ATP8A2: variants seen among roughly 807,000 people sequenced by gnomAD.
ATP8A2 encodes the protein phospholipid-transporting ATPase IB.
In ATP8A2, 100 loss-of-function variants were observed where a neutral mutation model predicts 165.6. That is an observed-to-expected ratio of 0.60 (90% CI 0.51 to 0.71). The LOEUF (loss-of-function observed/expected upper bound fraction) is 0.71, where lower values mean the gene tolerates loss of function less well. Ranked by LOEUF, ATP8A2 falls within the 30% of genes least tolerant of loss-of-function variation. The pLI, the probability that ATP8A2 is intolerant of heterozygous loss-of-function variation, is 0.00. For synonymous variants in ATP8A2, 543 were observed against 548.8 expected (o/e 0.99, Z 0.15); for missense variants, 1,227 against 1,479.5 (o/e 0.83, Z 2.80).
At chr13:25,882,974 G>A (rs1953030357) in intron 33 of ATP8A2, among the ~76,000 whole-genome samples, 1 of 151,780 alleles carries the variant, frequency 6.6e-6, no homozygotes, top group Admixed American at 6.6e-5. Flanking sequence ...GATGATGATG[G>A]CAGCAGCTAC....
intron 33 of ATP8A2, among the ~76,000 whole-genome samples, chr13:25,932,817 G>A (rs1277095230): frequency 1.3e-5 from 2 of 152,230 alleles, no homozygotes; most frequent in East Asian, 1.9e-4. Context: ...TAGGCTTCCC[G>A]TTACCAGTGC....
intron 33 of ATP8A2, among the ~76,000 whole-genome samples, chr13:25,909,202 C>A (rs959207660): frequency 7.9e-5 from 12 of 152,014 alleles, no homozygotes; most frequent in African/African-American, 2.9e-4. Context: ...ACTAGTCCCC[C>A]AAAATGATCT....
chr13:25,846,044 C>T lies in ATP8A2; in HGVS notation c.2956+6420C>T, dbSNP rs1193799761. 1.3e-5 allele frequency among the ~76,000 whole-genome samples: 2 copies of T among 152,106 alleles called. 1 individual carries two copies. Among genetic ancestry groups the T allele is most frequent in the East Asian group, 3.9e-4 (2 of 5,186 alleles). On this transcript the variant is annotated intron_variant, in intron 30 of 36. Transcript: ENST00000381655. ...TACAAAAATTGGCTGGGCTTGGTGG[C>T]GCATGCCTGTAACCCCAGCTACTTG...
chr13:25,491,439 C>G (rs1628416), intron 2 of ATP8A2, among the ~76,000 whole-genome samples: 148,873 of 152,268 alleles, frequency 0.98, 72,794 homozygotes, highest in East Asian at 0.99. Context: ...TGTTGCCCAG[C>G]CTGGTCTTGA....
At chr13:25,760,770 CTCTT>C (rs532761402) in intron 25 of ATP8A2, among the ~76,000 whole-genome samples, 38 of 152,244 alleles carry the variant, frequency 2.5e-4, no homozygotes, top group East Asian at 1.9e-3. Flanking sequence ...TAAAAGCTCT[CTCTT>C]TATTTGTGGA....
chr13:25,392,155 AC>A (rs1011780135), intron 1 of ATP8A2, among the ~76,000 whole-genome samples: 2 of 152,248 alleles, frequency 1.3e-5, no homozygotes, highest in African/African-American at 2.4e-5. Flanking sequence ...AGTGCCTGAT[AC>A]ACTAGTCAGA....
intron 2 of ATP8A2, among the ~76,000 whole-genome samples, chr13:25,473,436 A>G (rs141679683): frequency 2.6e-5 from 4 of 152,286 alleles, no homozygotes; most frequent in East Asian, 3.9e-4. Flanking sequence ...ATGGGATTCA[A>G]TGTTTATATA....
intron 1 of ATP8A2, among the ~76,000 whole-genome samples, chr13:25,407,258 A>T (rs2033830926): frequency 6.6e-6 from 1 of 152,242 alleles, no homozygotes; most frequent in Admixed American, 6.5e-5. Context: ...AGACAGACTC[A>T]TTCTTAAAGC....
intron 34 of ATP8A2, among the ~76,000 whole-genome samples, chr13:25,965,557 G>A (rs539796958): frequency 2.0e-4 from 31 of 152,330 alleles, no homozygotes; most frequent in African/African-American, 7.2e-4. Context: ...TTAGATGCAT[G>A]AAGTTTAAAT....
At chr13:25,570,905 C>T (rs1259788953) in intron 17 of ATP8A2, 33 bp downstream of exon 17, 1 of 1,515,546 alleles carries the variant, frequency 6.6e-7, no homozygotes, top group Admixed American at 1.7e-5. Context: ...CCCTGCTGGC[C>T]CCTTCTCAGG....
At chr13:25,538,818 T>C (rs1006466385) in intron 7 of ATP8A2, among the ~76,000 whole-genome samples, 2 of 152,152 alleles carry the variant, frequency 1.3e-5, no homozygotes, top group African/African-American at 4.8e-5. Context: ...CAGCGTTTCT[T>C]GTATTGAAGT....
At chr13:25,793,442 T>C (rs746881799) in intron 27 of ATP8A2, among the ~76,000 whole-genome samples, 14 of 152,204 alleles carry the variant, frequency 9.2e-5, no homozygotes, top group Non-Finnish European at 1.9e-4. Context: ...ATGAAAATTT[T>C]ATTTATCTAG....
At chr13:25,577,596 A>C (rs143663293) in intron 20 of ATP8A2, among the ~76,000 whole-genome samples, 3 of 152,218 alleles carry the variant, frequency 2.0e-5, no homozygotes, top group Non-Finnish European at 4.4e-5. Flanking sequence ...GGCAATGTCC[A>C]TGTGTAGCTG....
chr13:25,473,127 T>C (rs897315332), intron 2 of ATP8A2, among the ~76,000 whole-genome samples: 6 of 152,192 alleles, frequency 3.9e-5, no homozygotes, highest in African/African-American at 1.4e-4. Context: ...CCCAGGGGTA[T>C]GCACTACATG....
intron 1 of ATP8A2, among the ~76,000 whole-genome samples, chr13:25,420,918 A>G (rs1240465793): frequency 6.6e-6 from 1 of 152,230 alleles, no homozygotes; most frequent in Non-Finnish European, 1.5e-5. Flanking sequence ...ACAGCTCTGT[A>G]CAAACCTCTA....
At chr13:25,481,106 G>A (rs927260156) in intron 2 of ATP8A2, among the ~76,000 whole-genome samples, 5 of 150,338 alleles carry the variant, frequency 3.3e-5, no homozygotes, top group East Asian at 1.9e-4. Context: ...GATGGCAGCA[G>A]TACAGTCCAG....
intron 27 of ATP8A2, among the ~76,000 whole-genome samples, chr13:25,784,345 C>G (rs561827130): frequency 6.6e-6 from 1 of 152,198 alleles, no homozygotes; most frequent in Non-Finnish European, 1.5e-5. Flanking sequence ...CCCGGGTGCA[C>G]TCTCCCACCC....
At chr13:25,447,953 T>C (rs912009384) in intron 1 of ATP8A2, among the ~76,000 whole-genome samples, 1 of 152,204 alleles carries the variant, frequency 6.6e-6, no homozygotes, top group African/African-American at 2.4e-5. Flanking sequence ...TGCCTCTCAA[T>C]GTTCAGATGC....
intron 24 of ATP8A2, among the ~76,000 whole-genome samples, chr13:25,670,024 C>T (rs1229924956): frequency 6.6e-6 from 1 of 152,196 alleles, no homozygotes; most frequent in Admixed American, 6.5e-5. Flanking sequence ...GGGGTTAGAG[C>T]ATGGTGGGCA....
Sources: allele counts gnomAD v4.1 joint callset (sites outside exome capture counted in the v4.1 genomes callset), GRCh38; gene constraint gnomAD v4.1.1; transcripts MANE v1.5; gene names NCBI Gene and HGNC (gene_info 2026-07-23, HGNC 2026-07-21).